LAMB4: variants seen among roughly 807,000 people sequenced by gnomAD.
LAMB4 encodes laminin subunit beta-4.
A neutral mutation model predicts 199.2 loss-of-function variants in LAMB4; 196 were observed. The ratio of observed to expected loss-of-function variants is 0.98; its 90% CI spans 0.88 to 1.11. LAMB4 has a LOEUF of 1.11. Among genes scored for constraint, LAMB4 ranks in the 50% least tolerant of loss-of-function variants. The pLI, the probability that LAMB4 is intolerant of heterozygous loss-of-function variation, is 0.00. For missense variants in LAMB4, 2,080 were observed against 2,171.2 expected (o/e 0.96, Z 0.83); for synonymous variants, 744 against 770.6 (o/e 0.97, Z 0.57).
intron 33 of LAMB4, among the ~76,000 whole-genome samples, chr7:108,028,666 G>A (rs547840481): frequency 9.2e-5 from 14 of 151,854 alleles, no homozygotes; most frequent in Admixed American, 6.6e-4. Flanking sequence ...TAGTAGAAAC[G>A]GGGTTTCTCC....
At chr7:108,046,335 C>T (rs988241467) in intron 28 of LAMB4, among the ~76,000 whole-genome samples, 3 of 151,430 alleles carry the variant, frequency 2.0e-5, no homozygotes, top group Admixed American at 1.3e-4. Flanking sequence ...AGGTGATCCA[C>T]CTGCATCGGC....
At chr7:108,051,126 A>G (rs1294866274) in intron 26 of LAMB4, among the ~76,000 whole-genome samples, 1 of 152,142 alleles carries the variant, frequency 6.6e-6, no homozygotes, top group Non-Finnish European at 1.5e-5. Context: ...GTGACCTCTG[A>G]TGGATTTTGA....
intron 14 of LAMB4, among the ~76,000 whole-genome samples, chr7:108,087,179 A>G (rs1450389588): frequency 2.0e-5 from 3 of 152,220 alleles, no homozygotes; most frequent in African/African-American, 7.2e-5. Flanking sequence ...TCTGAAGTCC[A>G]TATCATGTTA....
At chr7:108,015,748 C>CTTT in the LAMB4 span, among the ~76,000 whole-genome samples, 24 of 123,482 alleles carry the variant, frequency 1.9e-4, no homozygotes, top group African/African-American at 4.8e-4. Flanking sequence ...GTTTTGAAGA[C>CTTT]TTTTTTTTTT....
intron 26 of LAMB4, among the ~76,000 whole-genome samples, chr7:108,051,190 T>A (rs561206574): frequency 1.3e-5 from 2 of 152,352 alleles, no homozygotes; most frequent in South Asian, 4.1e-4. Flanking sequence ...GATTCCTTAC[T>A]CATTACATGG....
intron 11 of LAMB4, among the ~76,000 whole-genome samples, 172 bp downstream of exon 11, chr7:108,098,231 G>T (rs79270306): frequency 6.6e-6 from 1 of 152,154 alleles, no homozygotes; most frequent in East Asian, 1.9e-4. Context: ...TACTCGGGAG[G>T]CTGAGGAAGG....
Position 108,076,946 on chromosome 7 carries a change from A to G in LAMB4, c.2122T>C (p.Ser708Pro), listed in dbSNP as rs749961696. The change falls in exon 17 of 34, where the codon TCT (serine) becomes CCT (proline). Residue 708 changes from serine (S) to proline (P), a missense_variant and splice_region_variant. Physicochemically the swap from Ser to Pro is moderately conservative, Grantham distance 74. Transcript: ENST00000388781. ...CCACAAAACTCTGTGATACTTACAG[A>G]GTCCACCAGGACATGTGAATGAGCG... ...SHAHSHVLVDSLGLIPQINSL... is the reference protein window; with the variant it reads ...SHAHSHVLVDPLGLIPQINSL... The G allele has an allele frequency of 6.2e-6, 10 of 1,614,040 alleles. No homozygotes were observed. The Admixed American group carries it at 1.7e-4, about 27-fold the overall frequency.
chr7:108,088,879 A>G (rs2037289099), intron 14 of LAMB4, among the ~76,000 whole-genome samples: 1 of 152,186 alleles, frequency 6.6e-6, no homozygotes, highest in Non-Finnish European at 1.5e-5. Context: ...GAATGACCCT[A>G]TGGTCTAAAA....
At chr7:108,085,527 CT>C (rs1302042672) in intron 14 of LAMB4, among the ~76,000 whole-genome samples, 1 of 152,098 alleles carries the variant, frequency 6.6e-6, no homozygotes, top group Non-Finnish European at 1.5e-5. Context: ...AAGTATAAAG[CT>C]TTATATGTTA....
At chr7:108,073,536 G>A (rs1255690132) in intron 17 of LAMB4, among the ~76,000 whole-genome samples, 3 of 152,214 alleles carry the variant, frequency 2.0e-5, no homozygotes, top group Non-Finnish European at 4.4e-5. Context: ...TGCCAAACAA[G>A]GCATTTGTGC....
intron 15 of LAMB4, among the ~76,000 whole-genome samples, chr7:108,078,630 GA>G (rs1171128579): frequency 6.6e-6 from 1 of 152,136 alleles, no homozygotes; most frequent in Non-Finnish European, 1.5e-5. Flanking sequence ...CATGGCTCTG[GA>G]TCACAGAACA....
At chr7:108,080,801 A>G (rs1342232635) in intron 14 of LAMB4, among the ~76,000 whole-genome samples, 4 of 151,792 alleles carry the variant, frequency 2.6e-5, no homozygotes, top group Non-Finnish European at 4.4e-5. Context: ...ATCAATATAC[A>G]ATGTTTTTCA....
intron 8 of LAMB4, 59 bp from the exon 9 acceptor site, chr7:108,104,678 T>C: frequency 6.3e-7 from 1 of 1,581,606 alleles, no homozygotes; most frequent in Non-Finnish European, 8.6e-7. Flanking sequence ...ACGTTGGGGT[T>C]CTTTAAATGG....
At position 108,057,916 on chromosome 7, in the gene LAMB4, A is replaced by G. The variant is rs376990546; in HGVS notation, c.3295T>C (p.Cys1099Arg). Residue 1099 changes from cysteine (C) to arginine (R), a missense_variant, in exon 24 of 34, where the codon TGT (cysteine) becomes CGT (arginine). Cys to Arg is a radical substitution (Grantham distance 180, BLOSUM62 -3). Coordinates refer to ENST00000388781, the MANE Select transcript of LAMB4 (RefSeq NM_007356.3). ...CCGCCGTAACCTAATTTACACGGAC[A>G]CTGGCCTGTAAGCTGTGAGAACAGT... ...SSHCDQLTGQ[C>R]PCKLGYGGKR... is the part of the protein sequence containing the mutation. The G allele has an allele frequency of 1.3e-5, 21 of 1,612,634 alleles. No individual in the cohort carries two copies. In the African/African-American group the frequency reaches 2.1e-4, roughly 16 times the overall value.
At chr7:108,049,274 T>C in intron 27 of LAMB4, 52 bp downstream of exon 27, 2 of 867,908 alleles carry the variant, frequency 2.3e-6, no homozygotes, top group South Asian at 3.1e-5. Context: ...AAGAGGTTCA[T>C]ATACCAAGTA....
chr7:108,111,164 A>G (rs915021023), intron 4 of LAMB4, among the ~76,000 whole-genome samples: 3 of 152,194 alleles, frequency 2.0e-5, no homozygotes, highest in Non-Finnish European at 4.4e-5. Flanking sequence ...ATGGACATAC[A>G]TTTGGGCACA....
intron 17 of LAMB4, among the ~76,000 whole-genome samples, chr7:108,074,585 T>C (rs901336037): frequency 5.9e-5 from 9 of 152,146 alleles, no homozygotes; most frequent in Admixed American, 2.6e-4. Flanking sequence ...CCTAGTCTGG[T>C]CTTGAATACC....
chr7:108,043,796 T>G lies in LAMB4; in HGVS notation c.4427A>C (p.Glu1476Ala). The G allele has an allele frequency of 2.5e-6, 4 of 1,601,436 alleles. No homozygotes were observed. The highest frequency in any genetic ancestry group is 3.4e-6 in the Non-Finnish European group (4 of 1,171,298). ...TTTTTTGATGAAAAGATTGATGTTT[T>G]CTTCTTCAGAGTCACTTTGGTTTCT... ...NIRNQSDSEE[E>A]NINLFIKKVK... The change falls in exon 29 of 34, where the codon GAA becomes GCA. Residue 1476 changes from glutamate to alanine, a missense_variant. By Grantham distance (107) the Glu-to-Ala change is moderately radical (BLOSUM62 -1). Coordinates refer to ENST00000388781, the MANE Select transcript of LAMB4 (RefSeq NM_007356.3).
At chr7:108,027,122 G>GTTC in intron 33 of LAMB4, among the ~76,000 whole-genome samples, 1 of 152,186 alleles carries the variant, frequency 6.6e-6, no homozygotes, top group South Asian at 2.1e-4. Context: ...TACTCCTAGA[G>GTTC]TAAGGGCCAA....
Sources: allele counts gnomAD v4.1 joint callset (sites outside exome capture counted in the v4.1 genomes callset), GRCh38; gene constraint gnomAD v4.1.1; transcripts MANE v1.5; gene names NCBI Gene and HGNC (gene_info 2026-07-23, HGNC 2026-07-21).